The following GADL1 variants were observed in gnomAD, a reference collection of about 807,000 sequenced individuals.
The protein encoded by GADL1 is acidic amino acid decarboxylase GADL1.
GADL1 carries 71 observed loss-of-function variants against 69.5 expected under a neutral mutation model. The observed-to-expected ratio is 1.02, with a 90% CI of 0.84 to 1.25. The LOEUF (loss-of-function observed/expected upper bound fraction) is 1.25. Among genes scored for constraint, GADL1 ranks in the 50% most tolerant of loss-of-function variants. The pLI, the probability that GADL1 is intolerant of heterozygous loss-of-function variation, is 0.00. For synonymous variants in GADL1, 254 were observed against 214.4 expected (o/e 1.18, Z -1.62); for missense variants, 737 against 631.8 (o/e 1.17, Z -1.79).
chr3:30,803,812 A>G (rs1392111717), intron 11 of GADL1, among the ~76,000 whole-genome samples: 1 of 152,234 alleles, frequency 6.6e-6, no homozygotes, highest in Non-Finnish European at 1.5e-5. Flanking sequence ...GTTTTAAGAC[A>G]TCAACTAAGA....
At chr3:30,831,732 C>G (rs1697796241) in intron 11 of GADL1, among the ~76,000 whole-genome samples, 1 of 151,890 alleles carries the variant, frequency 6.6e-6, no homozygotes, top group African/African-American at 2.4e-5. Context: ...AAGGTCCTCA[C>G]CACATTTCCC....
At chr3:30,783,265 T>C (rs1314592517) in intron 13 of GADL1, among the ~76,000 whole-genome samples, 1 of 152,184 alleles carries the variant, frequency 6.6e-6, no homozygotes, top group African/African-American at 2.4e-5. Context: ...AAATAAAATA[T>C]GTGAATTGAC....
chr3:30,826,785 T>C (rs1299928830), intron 11 of GADL1, among the ~76,000 whole-genome samples: 2 of 151,814 alleles, frequency 1.3e-5, no homozygotes, highest in African/African-American at 2.4e-5. Context: ...CATTAGATAC[T>C]AAAACAAAAA....
intron 14 of GADL1, among the ~76,000 whole-genome samples, chr3:30,738,397 A>C (rs1477762672): frequency 2.6e-5 from 4 of 152,126 alleles, no homozygotes; most frequent in African/African-American, 9.7e-5. Context: ...ATGTTATCCA[A>C]AATGCCAGTA....
intron 11 of GADL1, among the ~76,000 whole-genome samples, chr3:30,817,832 A>C (rs1388431426): frequency 6.6e-6 from 1 of 152,208 alleles, no homozygotes; most frequent in African/African-American, 2.4e-5. Flanking sequence ...AAGGACATAT[A>C]ATAGTCATAT....
At chr3:30,870,694 G>C (rs1427057634) in intron 1 of GADL1, among the ~76,000 whole-genome samples, 1 of 151,672 alleles carries the variant, frequency 6.6e-6, no homozygotes, top group Non-Finnish European at 1.5e-5. Flanking sequence ...GGGAACTTTG[G>C]TCTGGATGGT....
At chr3:30,795,458 A>G (rs1697012449) in intron 12 of GADL1, among the ~76,000 whole-genome samples, 1 of 152,138 alleles carries the variant, frequency 6.6e-6, no homozygotes, top group Non-Finnish European at 1.5e-5. Flanking sequence ...GTAGCTTGCA[A>G]TTTGCTATGA....
At chr3:30,795,061 A>G (rs1697005127) in intron 12 of GADL1, among the ~76,000 whole-genome samples, 1 of 152,204 alleles carries the variant, frequency 6.6e-6, no homozygotes, top group East Asian at 1.9e-4. Flanking sequence ...CTCAAATACT[A>G]AAACAATCAT....
chr3:30,799,191 C>T (rs1192977008), intron 12 of GADL1: 1 of 152,308 alleles, frequency 6.6e-6, no homozygotes, highest in Non-Finnish European at 1.5e-5. Flanking sequence ...CCACACTGCC[C>T]TAGCAGAGGG....
chr3:30,867,073 TTTCTC>T (rs1319573855), intron 1 of GADL1, among the ~76,000 whole-genome samples: 1 of 152,010 alleles, frequency 6.6e-6, no homozygotes, highest in African/African-American at 2.4e-5. Context: ...CTGTGCCTGT[TTTCTC>T]ATCTATAAAA....
At chr3:30,793,891 C>T (rs1446630263) in intron 12 of GADL1, among the ~76,000 whole-genome samples, 1 of 152,170 alleles carries the variant, frequency 6.6e-6, no homozygotes, top group Admixed American at 6.5e-5. Context: ...TGCATTGAGC[C>T]TCCCAGAACT....
intron 1 of GADL1, among the ~76,000 whole-genome samples, chr3:30,863,710 C>CAAA (rs5847670): frequency 9.0e-4 from 135 of 150,624 alleles, no homozygotes; most frequent in Admixed American, 2.5e-3. Flanking sequence ...CAATGGTCTA[C>CAAA]AAAAAAAAAC....
chr3:30,808,998 G>C (rs1394160756), intron 11 of GADL1, among the ~76,000 whole-genome samples: 2 of 152,280 alleles, frequency 1.3e-5, no homozygotes, highest in Admixed American at 1.3e-4. Flanking sequence ...GGTGGAGAGT[G>C]TGCTTCATAT....
At chr3:30,788,615 G>C (rs1003943360) in intron 12 of GADL1, among the ~76,000 whole-genome samples, 3 of 152,172 alleles carry the variant, frequency 2.0e-5, no homozygotes, top group Admixed American at 1.3e-4. Flanking sequence ...TTTCTCTGTA[G>C]TAGGCAATGC....
intron 8 of GADL1, among the ~76,000 whole-genome samples, chr3:30,842,071 G>A (rs916938072): frequency 3.3e-5 from 5 of 152,052 alleles, no homozygotes; most frequent in Non-Finnish European, 7.4e-5. Context: ...AATGGTAGTG[G>A]GGGGAAAGAG....
At chr3:30,778,158 T>C (rs773195579) in intron 14 of GADL1, 21 bp downstream of exon 14, 1 of 1,365,574 alleles carries the variant, frequency 7.3e-7, no homozygotes, top group Non-Finnish European at 1.0e-6. Flanking sequence ...AAAAGAAAAA[T>C]ACCATTTACT....
At chr3:30,743,242 T>C (rs1220886692) in intron 14 of GADL1, among the ~76,000 whole-genome samples, 1 of 152,206 alleles carries the variant, frequency 6.6e-6, no homozygotes, top group Admixed American at 6.5e-5. Context: ...GCAACTTTCA[T>C]CTTCAAGCTC....
chr3:30,810,373 G>C (rs1667419096), intron 11 of GADL1, among the ~76,000 whole-genome samples: 1 of 152,098 alleles, frequency 6.6e-6, no homozygotes, highest in South Asian at 2.1e-4. Context: ...TGAAAGAAAA[G>C]TTACATGATA....
intron 14 of GADL1, among the ~76,000 whole-genome samples, chr3:30,763,548 T>C (rs548461527): frequency 1.1e-4 from 17 of 151,312 alleles, no homozygotes; most frequent in African/African-American, 4.1e-4. Flanking sequence ...GTCAAAACTA[T>C]TACACCTAAC....
Sources: allele counts gnomAD v4.1 joint callset (sites outside exome capture counted in the v4.1 genomes callset), GRCh38; gene constraint gnomAD v4.1.1; transcripts MANE v1.5; gene names NCBI Gene and HGNC (gene_info 2026-07-23, HGNC 2026-07-21).